Variants in LSM3 observed in about 807,000 individuals in gnomAD.
LSM3 encodes the protein U6 snRNA-associated Sm-like protein LSm3.
A neutral mutation model predicts 15.4 loss-of-function variants in LSM3; 14 were observed. The ratio of observed to expected loss-of-function variants is 0.91; its 90% CI spans 0.60 to 1.42. The LOEUF (loss-of-function observed/expected upper bound fraction) is 1.42, where lower values mean the gene tolerates loss of function less well. LSM3 is among the 40% of genes most tolerant of loss of function. The pLI is 0.00. For missense variants in LSM3, 88 were observed against 127.9 expected (o/e 0.69, Z 1.50); for synonymous variants, 46 against 45.1 (o/e 1.02, Z -0.08).
Position 14,193,847 on chromosome 3 carries a change from G to C in LSM3, c.229-4189G>C, listed in dbSNP as rs1697163850. Reference sequence around the variant, plus strand: ...TGGCGAGGAGTTGTGATCCTTTGGAGGAGGAGAGGCGTTCGTGTTTTTGGA... The same window carrying C: ...TGGCGAGGAGTTGTGATCCTTTGGACGAGGAGAGGCGTTCGTGTTTTTGGA... On this transcript the variant is annotated intron_variant, in intron 3 of 3. Coordinates refer to ENST00000306024, the MANE Select transcript of LSM3 (RefSeq NM_014463.3). Among the ~76,000 whole-genome samples, 6 of 152,196 alleles carry C rather than the reference G, an allele frequency of 3.9e-5. No homozygotes were observed. In the South Asian group the frequency reaches 1.2e-3, roughly 32 times the overall value.
intron 3 of LSM3, among the ~76,000 whole-genome samples, chr3:14,188,602 G>A (rs1697112159): frequency 6.6e-6 from 1 of 151,904 alleles, no homozygotes; most frequent in African/African-American, 2.4e-5. Context: ...ATGCTAATGA[G>A]TGTTAGTTAT....
chr3:14,184,171 G>C, intron 3 of LSM3, 139 bp downstream of exon 3: 2 of 1,159,880 alleles, frequency 1.7e-6, no homozygotes, highest in Non-Finnish European at 2.2e-6. Flanking sequence ...TAAAAGCAAG[G>C]GTTCTGGCAT....
intron 3 of LSM3, among the ~76,000 whole-genome samples, chr3:14,196,251 T>C (rs747781208): frequency 6.6e-6 from 1 of 152,102 alleles, no homozygotes; most frequent in Non-Finnish European, 1.5e-5. Context: ...CCACCGTGCC[T>C]GGCCGAGTTT....
chr3:14,193,952 A>G (rs1697165140), intron 3 of LSM3, among the ~76,000 whole-genome samples: 1 of 152,100 alleles, frequency 6.6e-6, no homozygotes, highest in African/African-American at 2.4e-5. Context: ...GGTGACTTTC[A>G]GATGGAGTCT....
At chr3:14,180,914 G>A (rs997492998) in intron 1 of LSM3, among the ~76,000 whole-genome samples, 3 of 133,574 alleles carry the variant, frequency 2.2e-5, no homozygotes, top group South Asian at 2.4e-4. Flanking sequence ...GCAGTGGCAC[G>A]ATCTTGGCTC....
intron 3 of LSM3, among the ~76,000 whole-genome samples, chr3:14,192,508 C>A (rs1419638169): frequency 6.6e-6 from 1 of 152,118 alleles, no homozygotes; most frequent in African/African-American, 2.4e-5. Flanking sequence ...GCTCTTCTTG[C>A]TGCATTGTTC....
intron 3 of LSM3, among the ~76,000 whole-genome samples, chr3:14,196,487 A>G (rs550759103): frequency 1.3e-5 from 2 of 152,294 alleles, no homozygotes; most frequent in African/African-American, 2.4e-5. Flanking sequence ...TCCCACATTT[A>G]TGATAAACAC....
intron 3 of LSM3, among the ~76,000 whole-genome samples, chr3:14,187,512 A>G (rs1335690307): frequency 6.6e-6 from 1 of 152,240 alleles, no homozygotes; most frequent in Non-Finnish European, 1.5e-5. Context: ...GAAAGCAAAG[A>G]CAGTGATATT....
intron 3 of LSM3, among the ~76,000 whole-genome samples, chr3:14,186,062 C>A (rs1697085855): frequency 6.6e-6 from 1 of 152,148 alleles, no homozygotes; most frequent in South Asian, 2.1e-4. Flanking sequence ...CAGGCATGTG[C>A]CACCACGCCC....
In LSM3 at chr3:14,200,018, G is replaced by C. The variant is rs1037701695; in HGVS notation, c.*1902G>C. 3.3e-5 allele frequency: 5 copies of C among 152,184 alleles called. No individual in the cohort carries two copies. The highest frequency in any genetic ancestry group is 1.2e-4 in the African/African-American group (5 of 41,434). 9.4% of individuals were successfully genotyped at this position (152,184 alleles called of 1,614,324 possible). A position where few individuals can be genotyped will look rare whatever the true frequency, so the allele number is the denominator to read the frequency against. On this transcript the variant is annotated 3_prime_UTR_variant, in exon 4 of 4. Transcript: ENST00000306024. ...TTTCTGATAGTCACACTGAATTCCT[G>C]GACACTTTCTTCTCTTCATTCTTAG...
chr3:14,182,301 C>T (rs1559390618), intron 2 of LSM3, among the ~76,000 whole-genome samples: 1 of 151,698 alleles, frequency 6.6e-6, no homozygotes, highest in African/African-American at 2.4e-5. Flanking sequence ...CCTACCTCTA[C>T]AAAACATGGA....
chr3:14,180,634 T>A (rs557894029), intron 1 of LSM3, among the ~76,000 whole-genome samples: 77 of 152,156 alleles, frequency 5.1e-4, no homozygotes, highest in African/African-American at 1.8e-3. Context: ...TTCCTGGCAC[T>A]GTTTTTAAAT....
chr3:14,180,243 G>A (rs1450727904), intron 1 of LSM3, among the ~76,000 whole-genome samples: 1 of 151,992 alleles, frequency 6.6e-6, no homozygotes, highest in Non-Finnish European at 1.5e-5. Context: ...CAGCAGTTCT[G>A]TAATAATATA....
At chr3:14,192,587 A>G (rs1216199651) in intron 3 of LSM3, among the ~76,000 whole-genome samples, 3 of 152,186 alleles carry the variant, frequency 2.0e-5, no homozygotes, top group African/African-American at 7.2e-5. Flanking sequence ...TTTATTACAG[A>G]TTAGAATTGC....
At chr3:14,192,826 T>G (rs1216157168) in intron 3 of LSM3, among the ~76,000 whole-genome samples, 1 of 152,232 alleles carries the variant, frequency 6.6e-6, no homozygotes, top group East Asian at 1.9e-4. Flanking sequence ...ATTATGATGC[T>G]AGCTGGTTGT....
intron 1 of LSM3, 104 bp from the exon 2 acceptor site, chr3:14,181,456 G>A: frequency 1.4e-6 from 1 of 730,084 alleles, no homozygotes; most frequent in South Asian, 1.6e-5. Flanking sequence ...GGAGACTGAG[G>A]CAGAAAAAGG....
intron 1 of LSM3, among the ~76,000 whole-genome samples, chr3:14,180,602 C>A (rs1160323760): frequency 1.3e-5 from 2 of 151,838 alleles, no homozygotes; most frequent in Non-Finnish European, 2.9e-5. Context: ...GGAACCATTT[C>A]TAAATATTAA....
chr3:14,194,562 C>G (rs937088115), intron 3 of LSM3, among the ~76,000 whole-genome samples: 11 of 152,044 alleles, frequency 7.2e-5, no homozygotes, highest in African/African-American at 2.7e-4. Flanking sequence ...ATAATGGGCA[C>G]TCTAAATGTT....
rs1697174472 is a variant in LSM3 at position 14,194,916 on chromosome 3, C to T, written c.229-3120C>T. Among the ~76,000 whole-genome samples, 3 of 151,748 alleles carry T rather than the reference C, an allele frequency of 2.0e-5. 1 individual carries two copies. The South Asian group carries it at 6.2e-4, about 32-fold the overall frequency. ...CTGCCTGGGTGTTATGACCAGACAG[C>T]CCAGGGGAGATTCCTCACACATGGG... is the stretch of plus-strand genomic sequence containing the variant. On this transcript the variant is annotated intron_variant, in intron 3 of 3. Coordinates refer to ENST00000306024, the MANE Select transcript of LSM3 (RefSeq NM_014463.3).
Sources: gnomAD v4.1 joint callset for allele counts (sites outside exome capture counted in the v4.1 genomes callset) on GRCh38, gnomAD v4.1.1 for gene constraint, MANE v1.5 for transcripts, NCBI Gene and HGNC (gene_info 2026-07-23, HGNC 2026-07-21) for gene names.